Variants in SLCO4A1 observed in about 807,000 individuals in gnomAD.
The protein encoded by SLCO4A1 is colon organic anion transporter.
A neutral mutation model predicts 64.6 loss-of-function variants in SLCO4A1; 51 were observed. That is an observed-to-expected ratio of 0.79 (90% CI 0.63 to 1.00). SLCO4A1 has a LOEUF of 1.00. Ranked by LOEUF, SLCO4A1 falls within the 50% of genes least tolerant of loss-of-function variation. The pLI is 0.00. For missense variants in SLCO4A1, 919 were observed against 980.5 expected (o/e 0.94, Z 0.84); for synonymous variants, 471 against 444.9 (o/e 1.06, Z -0.74).
intron 2 of SLCO4A1, among the ~76,000 whole-genome samples, chr20:62,684,326 G>A (rs575116092): frequency 6.6e-6 from 1 of 152,352 alleles, no homozygotes; most frequent in South Asian, 2.1e-4. Flanking sequence ...ATTATAGGAA[G>A]TGCAGTACAT....
intron 2 of SLCO4A1, among the ~76,000 whole-genome samples, chr20:62,677,671 C>A (rs542641823): frequency 3.9e-5 from 6 of 152,268 alleles, no homozygotes; most frequent in Non-Finnish European, 8.8e-5. Flanking sequence ...ATTTCCTCTG[C>A]TGGAGGTGGG....
In SLCO4A1 at chr20:62,658,735, C is replaced by T. The variant is rs1399771825; in HGVS notation, c.855C>T (p.Ala285=). The change falls in exon 3 of 12, where the codon GCC becomes GCT. Residue 285 remains alanine, a synonymous_variant. Transcript: ENST00000217159. ...CTGCCGGCTACCTGATTGGAGGTGC[C>T]CTGCTGAATATCTACACGGAAATGG... ...GPAAGYLIGG[A]LLNIYTEMGR... 1.2e-6 allele frequency: 2 copies of T among 1,612,060 alleles called. No individual in the cohort carries two copies. The highest frequency in any genetic ancestry group is 1.7e-5 in the Admixed American group (1 of 59,916).
downstream of SLCO4A1, among the ~76,000 whole-genome samples, chr20:62,686,915 AGGCACCCCCAAACAGGAGCAATGGGAAAG>A (rs1988077137): frequency 7.1e-5 from 9 of 127,188 alleles, no homozygotes; most frequent in Admixed American, 7.7e-5. Flanking sequence ...GCAATGGGAA[AGGCACCCCCAAACAGGAGCAATGGGAAAG>A]GGCACCCCCA....
chr20:62,670,359 G>GT (rs1987044964), intron 11 of SLCO4A1: 1 of 152,266 alleles, frequency 6.6e-6, no homozygotes, highest in Non-Finnish European at 1.5e-5. Context: ...GCCACCACCT[G>GT]TTGATCACTT....
chr20:62,672,300 C>A, downstream of SLCO4A1: 1 of 1,093,278 alleles, frequency 9.1e-7, no homozygotes, highest in Admixed American at 4.9e-5. Flanking sequence ...CCTGCGTCCC[C>A]GTACCGCGTG....
intron 1 of SLCO4A1, among the ~76,000 whole-genome samples, chr20:62,654,068 G>T (rs1310478665): frequency 6.6e-6 from 1 of 152,106 alleles, no homozygotes; most frequent in Non-Finnish European, 1.5e-5. Flanking sequence ...ATTCCCACCA[G>T]CTCCGGAGGC....
chr20:62,672,248 C>A lies in SLCO4A1; in HGVS notation c.*355C>A. The A allele has an allele frequency of 8.2e-7, 1 of 1,221,126 alleles. No individual in the cohort carries two copies. Among genetic ancestry groups the A allele is most frequent in the Admixed American group, 3.9e-5 (1 of 25,814 alleles). 75.6% of individuals were successfully genotyped at this position (1,221,126 alleles called of 1,614,324 possible). A position where few individuals can be genotyped will look rare whatever the true frequency, so the allele number is the denominator to read the frequency against. On this transcript the variant is annotated 3_prime_UTR_variant, in exon 12 of 12. Coordinates refer to ENST00000217159, the MANE Select transcript of SLCO4A1 (RefSeq NM_016354.4). ...AGCCTGAGGAAGGCTTGTGTGTCCT[C>A]AGTTAAAACTGTGCATATCGAAATA...
In SLCO4A1 at chr20:62,660,533, G is replaced by A. The variant is rs1432668643; in HGVS notation, c.1009G>A (p.Gly337Ser). The A allele has an allele frequency of 1.2e-6, 2 of 1,604,754 alleles. No homozygotes were observed. Among genetic ancestry groups the A allele is most frequent in the Admixed American group, 3.3e-5 (2 of 60,016 alleles). Residue 337 changes from glycine to serine, a missense_variant and splice_region_variant, in exon 4 of 12, where the codon GGC becomes AGC. Coordinates refer to ENST00000217159, the MANE Select transcript of SLCO4A1 (RefSeq NM_016354.4). The part of the protein sequence containing the change: ...PILGYPRQLP[G>S]SQRYAVMRAA... ...CCTTGGTTACCCTCGGCAGCTGCCA[G>A]GTGGGTTTCCCTTCCCCAGCCCAGC...
chr20:62,652,385 C>T (rs1354080122), intron 1 of SLCO4A1, among the ~76,000 whole-genome samples: 3 of 152,042 alleles, frequency 2.0e-5, no homozygotes, highest in African/African-American at 4.8e-5. Flanking sequence ...TGTCCTCCTC[C>T]GGGCCTCTGA....
At chr20:62,682,393 G>A (rs1987873646) in intron 2 of SLCO4A1, among the ~76,000 whole-genome samples, 1 of 152,218 alleles carries the variant, frequency 6.6e-6, no homozygotes. Context: ...CGGGGCCACA[G>A]AGTCGACTAT....
rs1569136265 is a variant in SLCO4A1, at chr20:62,661,923, G to T, written c.1121+748G>T. Among the ~76,000 whole-genome samples the T allele has an allele frequency of 2.6e-5, 4 of 152,066 alleles. No homozygotes were observed. The South Asian group carries it at 8.3e-4, about 31-fold the overall frequency. ...CTGGGGATCATGCCTTCCCTGGGGGGCTCTCCCCAGGGCTGGGCACAGGTG... is the reference window on the plus strand; with the variant it reads ...CTGGGGATCATGCCTTCCCTGGGGGTCTCTCCCCAGGGCTGGGCACAGGTG... On this transcript the variant is annotated intron_variant, in intron 5 of 11. Transcript: ENST00000217159. The surrounding 1 kb of genome is among the most constrained non-coding windows in gnomAD (Gnocchi z 5.2).
At chr20:62,663,822 G>C in intron 5 of SLCO4A1, among the ~76,000 whole-genome samples, 1 of 152,230 alleles carries the variant, frequency 6.6e-6, no homozygotes, top group Non-Finnish European at 1.5e-5. Context: ...TCTTTGCAGA[G>C]GCGGTTTCCC....
intron 7 of SLCO4A1, 80 bp from the exon 8 acceptor site, chr20:62,667,665 C>A: frequency 6.7e-7 from 1 of 1,502,600 alleles, no homozygotes; most frequent in Non-Finnish European, 9.0e-7. Flanking sequence ...GGGGACGAGC[C>A]CCATGGCTGA....
chr20:62,672,145 A>G lies in SLCO4A1; in HGVS notation c.*252A>G, dbSNP rs1036742994. 3.6e-6 allele frequency: 5 copies of G among 1,386,160 alleles called. No individual in the cohort carries two copies. Among genetic ancestry groups the G allele is most frequent in the East Asian group, 2.9e-5 (1 of 35,068 alleles). The allele number at this position is 1,386,160 out of a possible 1,614,324, so 85.9% of individuals were successfully genotyped here. A position where few individuals can be genotyped will look rare whatever the true frequency, so the allele number is the denominator to read the frequency against. Reference sequence around the variant, plus strand: ...AGAACGTGTTTATAGAATGTGTTTTATACCCGATCGTGTGTGGTGTGCGTG... The same window carrying G: ...AGAACGTGTTTATAGAATGTGTTTTGTACCCGATCGTGTGTGGTGTGCGTG... On this transcript the variant is annotated 3_prime_UTR_variant, in exon 12 of 12. Transcript: ENST00000217159.
intron 2 of SLCO4A1, among the ~76,000 whole-genome samples, chr20:62,679,893 ACT>A (rs1987751754): frequency 6.6e-6 from 1 of 152,016 alleles, no homozygotes; most frequent in Admixed American, 6.5e-5. Flanking sequence ...TTATTCATAG[ACT>A]CTCTCGAATA....
chr20:62,675,163 C>T (rs1471169506), downstream of SLCO4A1, among the ~76,000 whole-genome samples: 2 of 152,276 alleles, frequency 1.3e-5, no homozygotes, highest in East Asian at 1.9e-4. Flanking sequence ...TGGAGGCTCC[C>T]GCCCAGGATG....
downstream of SLCO4A1, among the ~76,000 whole-genome samples, chr20:62,689,046 G>A (rs537460230): frequency 3.4e-3 from 522 of 152,322 alleles, 1 homozygote; most frequent in Non-Finnish European, 4.9e-3. Flanking sequence ...GCAGGTGGCC[G>A]GAGGCGCCCC....
chr20:62,679,333 A>G (rs1987728022), intron 2 of SLCO4A1, among the ~76,000 whole-genome samples: 1 of 151,886 alleles, frequency 6.6e-6, no homozygotes, highest in Non-Finnish European at 1.5e-5. Context: ...TGGTTCCACA[A>G]ATCCATACAT....
intron 1 of SLCO4A1, among the ~76,000 whole-genome samples, chr20:62,655,591 A>AG (rs1291538029): frequency 6.6e-6 from 1 of 152,120 alleles, no homozygotes; most frequent in East Asian, 1.9e-4. Context: ...GCAGTGGGGC[A>AG]GGGGCAGCGC....
Sources: allele counts gnomAD v4.1 joint callset (sites outside exome capture counted in the v4.1 genomes callset), GRCh38; gene constraint gnomAD v4.1.1; non-coding constraint Gnocchi (gnomAD v3.1); transcripts MANE v1.5; gene names NCBI Gene and HGNC (gene_info 2026-07-23, HGNC 2026-07-21).